Variants in STK33 observed in about 807,000 individuals in gnomAD.
STK33 encodes the protein serine/threonine kinase 33.
Under a neutral mutation model 58.0 loss-of-function variants are expected in STK33, and 52 were observed. The ratio of observed to expected loss-of-function variants is 0.90; its 90% CI spans 0.72 to 1.13. The LOEUF is 1.13. STK33 is among the 50% of genes most tolerant of loss of function. The pLI, the probability that STK33 is intolerant of heterozygous loss-of-function variation, is 0.00. For synonymous variants in STK33, 215 were observed against 200.1 expected (o/e 1.07, Z -0.63); for missense variants, 630 against 604.2 (o/e 1.04, Z -0.45).
chr11:8,562,204 C>T (rs1329488724), intron 1 of STK33, among the ~76,000 whole-genome samples: 1 of 152,108 alleles, frequency 6.6e-6, no homozygotes, highest in Admixed American at 6.6e-5. Flanking sequence ...CTTTGGTTTG[C>T]TAATTTATTA....
At chr11:8,531,581 G>T (rs1954555073) in intron 1 of STK33, among the ~76,000 whole-genome samples, 1 of 152,190 alleles carries the variant, frequency 6.6e-6, no homozygotes, top group Non-Finnish European at 1.5e-5. Context: ...GCTTAGCTTG[G>T]CCTATCAATG....
intron 1 of STK33, among the ~76,000 whole-genome samples, chr11:8,569,032 T>C (rs1400938386): frequency 6.6e-6 from 1 of 152,156 alleles, no homozygotes; most frequent in Admixed American, 6.5e-5. Flanking sequence ...TCCCAAGGAA[T>C]ATTATCTGGA....
intron 1 of STK33, among the ~76,000 whole-genome samples, chr11:8,509,754 A>G (rs987671507): frequency 2.3e-4 from 35 of 152,152 alleles, no homozygotes; most frequent in Admixed American, 1.3e-4. Context: ...GTGAGAACAT[A>G]TGATAGTTGG....
At chr11:8,454,604 A>T (rs1946631278) in intron 10 of STK33, 140 bp downstream of exon 10, 1 of 1,030,972 alleles carries the variant, frequency 9.7e-7, no homozygotes, top group Non-Finnish European at 1.3e-6. Flanking sequence ...ACCTCTTGTG[A>T]AATTTTTATT....
the STK33 span, among the ~76,000 whole-genome samples, chr11:8,371,941 A>C: frequency 6.6e-6 from 1 of 150,436 alleles, no homozygotes. Flanking sequence ...GCTGGAGTGC[A>C]GTGGCACAAT....
intron 14 of STK33, among the ~76,000 whole-genome samples, chr11:8,420,224 A>G (rs771631382): frequency 3.1e-4 from 47 of 152,186 alleles, no homozygotes; most frequent in Non-Finnish European, 6.3e-4. Flanking sequence ...AAAATCACCA[A>G]ACATGTCCTG....
At chr11:8,507,627 G>T (rs889439827) in intron 1 of STK33, among the ~76,000 whole-genome samples, 1 of 150,656 alleles carries the variant, frequency 6.6e-6, no homozygotes, top group Non-Finnish European at 1.5e-5. Flanking sequence ...AAGGGGGATG[G>T]GGGGGTACAC....
intron 1 of STK33, among the ~76,000 whole-genome samples, chr11:8,502,059 T>C (rs1034809238): frequency 1.6e-5 from 2 of 121,218 alleles, no homozygotes; most frequent in African/African-American, 6.9e-5. Context: ...GGTTTCTTCG[T>C]GGGGAGATGA....
intron 1 of STK33, among the ~76,000 whole-genome samples, chr11:8,561,423 G>A (rs920595270): frequency 2.0e-5 from 3 of 151,996 alleles, no homozygotes; most frequent in African/African-American, 4.8e-5. Context: ...TCCCCCTTTC[G>A]GTGACTTGCT....
At chr11:8,428,412 A>AT (rs1433421831) in intron 14 of STK33, among the ~76,000 whole-genome samples, 1 of 152,196 alleles carries the variant, frequency 6.6e-6, no homozygotes, top group Non-Finnish European at 1.5e-5. Flanking sequence ...CCCACTATCC[A>AT]TACCAGCTCA....
At chr11:8,363,317 T>G in the STK33 span, among the ~76,000 whole-genome samples, 1 of 152,202 alleles carries the variant, frequency 6.6e-6, no homozygotes, top group Non-Finnish European at 1.5e-5. Flanking sequence ...TTTAAGAATA[T>G]TTTACATAAA....
In STK33 at chr11:8,392,708, A is replaced by G; in HGVS notation, c.1347T>C (p.Ser449=). The G allele has an allele frequency of 1.2e-6, 2 of 1,614,142 alleles. No individual in the cohort carries two copies. The highest frequency in any genetic ancestry group is 1.7e-6 in the Non-Finnish European group (2 of 1,179,988). Residue 449 remains serine, a splice_region_variant and synonymous_variant, in exon 16 of 16, where the codon TCT becomes TCC. Transcript: ENST00000687296. ...YTSDEEEEKQ[S]TAYEKQFPAT... is the part of the protein sequence containing the mutation. ...CAGGAAATTGCTTTTCATAAGCAGT[A>G]GACTGCAAATAAAAGGTCTTGATTA...
At chr11:8,491,341 T>C (rs1950595050) in intron 1 of STK33, among the ~76,000 whole-genome samples, 1 of 152,144 alleles carries the variant, frequency 6.6e-6, no homozygotes, top group South Asian at 2.1e-4. Context: ...AGAAAGGGTA[T>C]CAGTGACTGA....
chr11:8,364,044 C>G, the STK33 span, among the ~76,000 whole-genome samples: 1 of 152,296 alleles, frequency 6.6e-6, no homozygotes, highest in East Asian at 1.9e-4. Context: ...TTTGTGTTTT[C>G]AATGTTGCGA....
At chr11:8,472,340 GT>G (rs1388703190) in intron 6 of STK33, among the ~76,000 whole-genome samples, 1 of 152,136 alleles carries the variant, frequency 6.6e-6, no homozygotes, top group Non-Finnish European at 1.5e-5. Flanking sequence ...TTTAAAACAA[GT>G]TTTGACATCA....
At chr11:8,447,711 C>A (rs1945690305) in intron 11 of STK33, among the ~76,000 whole-genome samples, 1 of 152,210 alleles carries the variant, frequency 6.6e-6, no homozygotes, top group Non-Finnish European at 1.5e-5. Context: ...GAAGCATTCC[C>A]TTTGAAAAAT....
chr11:8,578,313 T>A (rs1958326424), intron 1 of STK33, among the ~76,000 whole-genome samples: 1 of 152,062 alleles, frequency 6.6e-6, no homozygotes, highest in Non-Finnish European at 1.5e-5. Flanking sequence ...AAAAGTTACT[T>A]TTTACAGCAT....
the STK33 span, among the ~76,000 whole-genome samples, chr11:8,385,270 C>T: frequency 6.6e-5 from 10 of 152,368 alleles, no homozygotes; most frequent in South Asian, 4.1e-4. Flanking sequence ...AGAAGACAAA[C>T]GGATCCTTTA....
intron 1 of STK33, among the ~76,000 whole-genome samples, chr11:8,588,365 G>C (rs1218163936): frequency 6.6e-6 from 1 of 152,096 alleles, no homozygotes; most frequent in Admixed American, 6.5e-5. Context: ...CATGTAACTG[G>C]AGTGACAAGG....
Sources: allele counts gnomAD v4.1 joint callset (sites outside exome capture counted in the v4.1 genomes callset), GRCh38; gene constraint gnomAD v4.1.1; transcripts MANE v1.5; gene names NCBI Gene and HGNC (gene_info 2026-07-23, HGNC 2026-07-21).